SMURF1: variants seen among roughly 807,000 people sequenced by gnomAD.
SMURF1 encodes E3 ubiquitin-protein ligase SMURF1.
A neutral mutation model predicts 98.0 loss-of-function variants in SMURF1; 44 were observed. The observed-to-expected ratio is 0.45, with a 90% CI of 0.35 to 0.58. The LOEUF (loss-of-function observed/expected upper bound fraction) is 0.58. Ranked by LOEUF, SMURF1 falls within the 20% of genes least tolerant of loss-of-function variation. The probability of loss-of-function intolerance (pLI) is 0.00; values close to 1 mark genes in which losing one functional copy is unlikely to be tolerated. For missense variants in SMURF1, 687 were observed against 938.4 expected (o/e 0.73, Z 3.50); for synonymous variants, 396 against 374.9 (o/e 1.06, Z -0.65).
chr7:99,108,184 T>C (rs1418733540), intron 1 of SMURF1, among the ~76,000 whole-genome samples: 1 of 152,126 alleles, frequency 6.6e-6, no homozygotes, highest in Non-Finnish European at 1.5e-5. Context: ...AACTGGTCCA[T>C]ACCAGGCATT....
chr7:99,033,901 G>A (rs1324873605), intron 16 of SMURF1, among the ~76,000 whole-genome samples: 1 of 152,236 alleles, frequency 6.6e-6, no homozygotes, highest in Non-Finnish European at 1.5e-5. Context: ...CCAGGTGCTG[G>A]GAAAGGAGGG....
intron 1 of SMURF1, chr7:99,081,365 G>C (rs1462555250): frequency 6.6e-6 from 1 of 152,174 alleles, no homozygotes; most frequent in Non-Finnish European, 1.5e-5. Flanking sequence ...TTTTAAGTTA[G>C]CTGGGCATGG....
intron 7 of SMURF1, among the ~76,000 whole-genome samples, 187 bp from the exon 8 acceptor site, chr7:99,051,628 A>C (rs773898433): frequency 2.0e-4 from 31 of 152,118 alleles, no homozygotes; most frequent in Non-Finnish European, 4.1e-4. Context: ...TCTCCTTTCC[A>C]GAGCACTACA....
At chr7:99,057,589 TGG>T in intron 3 of SMURF1, 38 bp from the exon 4 acceptor site, 1 of 1,446,436 alleles carries the variant, frequency 6.9e-7, no homozygotes, top group Non-Finnish European at 8.9e-7. Context: ...TAATTGTGTT[TGG>T]TTTTTTTTGT....
In SMURF1 at chr7:99,063,241, TTATATATATATATATATATATATATATA is replaced by T. The variant is rs1178325637; in HGVS notation, c.56-1432_56-1405del. On this transcript the variant is annotated intron_variant, in intron 1 of 17. Coordinates refer to ENST00000361368, the MANE Select transcript of SMURF1 (RefSeq NM_181349.3). ...ATATATATATATATATAAGATTTAT[TTATATATATATATATATATATATATATA>T]TATATATATATATATATATATATAT... Among the ~76,000 whole-genome samples, 88 of 34,906 alleles carry T rather than the reference TTATATATATATATATATATATATATATA, an allele frequency of 2.5e-3. 1 individual carries two copies. Among genetic ancestry groups the T allele is most frequent in the African/African-American group, 9.9e-3 (80 of 8,078 alleles). 22.9% of individuals were successfully genotyped at this position (34,906 alleles called of 152,430 possible).
At position 99,052,500 on chromosome 7, in the gene SMURF1, C is replaced by A. The variant is rs1795783792; in HGVS notation, c.480-54G>T. ...GTGTCACCATGGAGGAGTCACAAGA[C>A]CAGCGCCTTAGGGCTAGTGTCCTAG... is the stretch of plus-strand genomic sequence containing the variant. On this transcript the variant is annotated intron_variant, in intron 6 of 17. Coordinates refer to ENST00000361368, the MANE Select transcript of SMURF1 (RefSeq NM_181349.3). 4 of 1,465,020 alleles carry A rather than the reference C, an allele frequency of 2.7e-6. No individual in the cohort carries two copies. The Admixed American group carries it at 9.9e-5, about 36-fold the overall frequency. The allele number at this position is 1,465,020 out of a possible 1,614,324, so 90.8% of individuals were successfully genotyped here.
rs1256383790 is a variant in SMURF1, at chr7:99,030,623, C to G, written c.2157G>C (p.Leu719=). 2.5e-6 allele frequency: 4 copies of G among 1,614,066 alleles called. No homozygotes were observed. In the African/African-American group the frequency reaches 4.0e-5, roughly 16 times the overall value. ...ACCCGCAGGTCTCCTCCACGGCTGT[C>G]AGCAGCTTCTCGTAGAGCTTCTCAT... ...ESYEKLYEKL[L]TAVEETCGFA... The change falls in exon 18 of 18, where the codon CTG becomes CTC. Residue 719 remains leucine (L), a synonymous_variant. Transcript: ENST00000361368.
intron 16 of SMURF1, among the ~76,000 whole-genome samples, chr7:99,033,322 CTT>C (rs944984965): frequency 6.6e-6 from 1 of 152,086 alleles, no homozygotes. Context: ...AATTCAGACA[CTT>C]TTTTGAGACA....
At chr7:99,081,687 C>T (rs1452346587) in intron 1 of SMURF1, among the ~76,000 whole-genome samples, 2 of 152,216 alleles carry the variant, frequency 1.3e-5, no homozygotes, top group African/African-American at 4.8e-5. Flanking sequence ...CAGTCTTGCT[C>T]TGTCACCCAG....
intron 16 of SMURF1, among the ~76,000 whole-genome samples, chr7:99,033,667 C>G (rs534376774): frequency 6.6e-6 from 1 of 152,240 alleles, no homozygotes; most frequent in Non-Finnish European, 1.5e-5. Context: ...AAGGCCCCCC[C>G]TAAAGTGCAC....
chr7:99,124,911 G>A (rs892829237), intron 1 of SMURF1, among the ~76,000 whole-genome samples: 2 of 152,220 alleles, frequency 1.3e-5, no homozygotes, highest in African/African-American at 4.8e-5. Context: ...GGTTTTTCAA[G>A]GGCCAAATAG....
intron 1 of SMURF1, among the ~76,000 whole-genome samples, chr7:99,076,196 C>T (rs1796454012): frequency 6.6e-6 from 1 of 152,240 alleles, no homozygotes; most frequent in African/African-American, 2.4e-5. Context: ...TGGGCCCCCA[C>T]ACCCAGCCCC....
At chr7:99,090,802 T>C (rs1796790423) in intron 1 of SMURF1, among the ~76,000 whole-genome samples, 1 of 152,222 alleles carries the variant, frequency 6.6e-6, no homozygotes, top group Admixed American at 6.5e-5. Context: ...GTAACTTTCC[T>C]ATATAACAGT....
intron 1 of SMURF1, among the ~76,000 whole-genome samples, chr7:99,125,669 G>A (rs1797728958): frequency 6.6e-6 from 1 of 152,138 alleles, no homozygotes; most frequent in Admixed American, 6.5e-5. Flanking sequence ...ACTTTCCACG[G>A]CTAGAAGGTG....
At chr7:99,093,529 A>G (rs910795744) in intron 1 of SMURF1, among the ~76,000 whole-genome samples, 2 of 152,076 alleles carry the variant, frequency 1.3e-5, no homozygotes, top group Admixed American at 6.6e-5. Flanking sequence ...ATGACATTAC[A>G]TTATTGCCAA....
intron 1 of SMURF1, among the ~76,000 whole-genome samples, chr7:99,128,088 A>C (rs1283362584): frequency 6.6e-6 from 1 of 152,228 alleles, no homozygotes; most frequent in Non-Finnish European, 1.5e-5. Flanking sequence ...GTTTCCAAAA[A>C]AAAATAATAT....
At chr7:99,141,509 T>C (rs1396477615) in intron 1 of SMURF1, among the ~76,000 whole-genome samples, 2 of 152,256 alleles carry the variant, frequency 1.3e-5, no homozygotes, top group Non-Finnish European at 2.9e-5. Context: ...AATAAAAATG[T>C]ATCTACATTG....
At chr7:99,092,753 A>C (rs991005198) in intron 1 of SMURF1, among the ~76,000 whole-genome samples, 2 of 152,186 alleles carry the variant, frequency 1.3e-5, no homozygotes, top group Admixed American at 6.5e-5. Context: ...TGTGAGTTCA[A>C]TGTTAATGAA....
chr7:99,099,609 G>A (rs1797029625), intron 1 of SMURF1, among the ~76,000 whole-genome samples: 1 of 152,128 alleles, frequency 6.6e-6, no homozygotes, highest in Admixed American at 6.5e-5. Context: ...GGCAGCGGTG[G>A]GAGGTGGGGC....
Sources: gnomAD v4.1 joint callset for allele counts (sites outside exome capture counted in the v4.1 genomes callset) on GRCh38, gnomAD v4.1.1 for gene constraint, MANE v1.5 for transcripts, NCBI Gene and HGNC (gene_info 2026-07-23, HGNC 2026-07-21) for gene names.